Variants in ZNF185 observed in about 807,000 individuals in gnomAD.
ZNF185 encodes the protein zinc finger protein 185 with LIM domain.
In ZNF185, 56 loss-of-function variants were observed where a neutral mutation model predicts 58.6. The ratio of observed to expected loss-of-function variants is 0.95; its 90% confidence interval spans 0.77 to 1.19. The LOEUF (loss-of-function observed/expected upper bound fraction) is 1.19, where lower values mean the gene tolerates loss of function less well. Among genes scored for constraint, ZNF185 ranks in the 50% most tolerant of loss-of-function variants. The pLI is 0.00. For synonymous variants in ZNF185, 230 were observed against 215.9 expected, an observed-to-expected ratio of 1.07 and a Z score of -0.57; for missense variants, 627 against 573.5, an observed-to-expected ratio of 1.09 and a Z score of -0.95.
chrX:152,915,403 A>T (rs3761504), intron 3 of ZNF185, among the ~76,000 whole-genome samples, 200 bp downstream of exon 4: 2 of 111,712 alleles, frequency 1.8e-5, no homozygotes, highest in African/African-American at 6.5e-5. Flanking sequence ...AGGGGAGTGT[A>T]GGAGTCACTT....
chrX:152,924,368 G>A (rs1556871323), intron 11 of ZNF185, among the ~76,000 whole-genome samples: 1 of 110,780 alleles, frequency 9.0e-6, no homozygotes, highest in African/African-American at 3.3e-5. Context: ...TGATCCTCCT[G>A]CCTTAGCCTC....
chrX:152,920,748 G>T lies in ZNF185; in HGVS notation c.656G>T (p.Arg219Met), dbSNP rs1939542909. 5.0e-6 allele frequency: 6 copies of T among 1,211,994 alleles called. No homozygotes were observed. In the African/African-American group the frequency reaches 1.0e-4, roughly 21 times the overall value. ...ACACAGGCACCGTTTATCGCGAAGA[G>T]GTAAGTGTCATCAAGGGACACCTTG... Residue 219 changes from arginine (R) to methionine (M), a missense_variant and splice_region_variant, in exon 9 of 23, where the codon AGG (arginine) becomes ATG (methionine). Arg to Met is a moderately conservative substitution (Grantham distance 91). Transcript: ENST00000449285.
At chrX:152,912,978 C>G (rs1342859584), upstream of ZNF185, among the ~76,000 whole-genome samples, 1 of 113,010 alleles carries the variant, frequency 8.8e-6, no homozygotes, top group African/African-American at 3.2e-5. Flanking sequence ...ATTCCTGGCA[C>G]ACAGCAGGCT....
At chrX:152,939,501 G>C (rs143105873) in intron 15 of ZNF185, among the ~76,000 whole-genome samples, 91 of 112,241 alleles carry the variant, frequency 8.1e-4, no homozygotes, top group African/African-American at 2.7e-3. Flanking sequence ...CGAAAAACTA[G>C]TTTATGAAAT....
chrX:152,931,926 G>A lies in ZNF185; in HGVS notation c.1022+150G>A, dbSNP rs151258669. On this transcript the variant is annotated intron_variant, in intron 13 of 22. Transcript: ENST00000449285. The stretch of plus-strand genomic sequence containing the variant: ...TTCCCACTGTTCCCCCAGTACCTGG[G>A]GTACTGCAGGTCTTTAATGAACATC... 3.2e-3 allele frequency: 1,282 copies of A among 400,454 alleles called. 11 individuals are homozygous for A. The highest frequency in any genetic ancestry group is 0.03 in the African/African-American group (1,173 of 38,877). The allele number at this position is 400,454 out of a possible 1,213,427, so 33.0% of individuals were successfully genotyped here. A position where few individuals can be genotyped will look rare whatever the true frequency, so the allele number is the denominator to read the frequency against.
At chrX:152,900,055 A>G in the ZNF185 span, among the ~76,000 whole-genome samples, 2 of 111,959 alleles carry the variant, frequency 1.8e-5, no homozygotes, top group African/African-American at 3.3e-5. Context: ...TCCAGACTCC[A>G]GAAAAAGCCT....
intron 16 of ZNF185, among the ~76,000 whole-genome samples, chrX:152,955,806 G>A (rs1159613585): frequency 9.0e-6 from 1 of 110,727 alleles, no homozygotes; most frequent in Non-Finnish European, 1.9e-5. Context: ...GGAGGCTGAG[G>A]CAAGAGAATC....
chrX:152,966,450 A>G (rs1319729555), intron 19 of ZNF185, among the ~76,000 whole-genome samples: 1 of 111,043 alleles, frequency 9.0e-6, no homozygotes, highest in Non-Finnish European at 1.9e-5. Context: ...TTATTTCAGG[A>G]TTGGGCCTCT....
intron 21 of ZNF185, among the ~76,000 whole-genome samples, 185 bp from the exon 24 acceptor site, chrX:152,970,258 T>C (rs1288595237): frequency 2.7e-5 from 3 of 110,399 alleles, no homozygotes; most frequent in African/African-American, 9.9e-5. Flanking sequence ...AAAAAAAGGC[T>C]TTTTTTTGTA....
At chrX:152,920,454 C>G in intron 8 of ZNF185, 43 bp downstream of exon 9, 1 of 1,160,163 alleles carries the variant, frequency 8.6e-7, no homozygotes, top group Admixed American at 2.2e-5. Context: ...GACAGCTCTC[C>G]TCTCCTCAGA....
At chrX:152,942,958 C>T (rs1418824137) in intron 15 of ZNF185, among the ~76,000 whole-genome samples, 2 of 111,356 alleles carry the variant, frequency 1.8e-5, no homozygotes, top group East Asian at 5.6e-4. Context: ...TTATCTATAT[C>T]TATATATGTA....
At chrX:152,933,714 G>T (rs1556879467) in intron 14 of ZNF185, among the ~76,000 whole-genome samples, 1 of 112,485 alleles carries the variant, frequency 8.9e-6, no homozygotes, top group Non-Finnish European at 1.9e-5. Context: ...AGGGAGGAGT[G>T]GCAAAGCCAG....
chrX:152,920,846 T>C, intron 9 of ZNF185, 98 bp downstream of exon 10: 2 of 1,012,189 alleles, frequency 2.0e-6, no homozygotes, highest in Non-Finnish European at 2.8e-6. Context: ...AGAGGGGATG[T>C]GGATGTGGGG....
intron 16 of ZNF185, among the ~76,000 whole-genome samples, chrX:152,952,804 G>A (rs2048415961): frequency 9.2e-6 from 1 of 108,695 alleles, no homozygotes; most frequent in Non-Finnish European, 1.9e-5. Context: ...TAAGGTCACT[G>A]AAGTTCCAAA....
the ZNF185 span, among the ~76,000 whole-genome samples, chrX:152,907,347 G>A: frequency 8.9e-6 from 1 of 112,964 alleles, no homozygotes; most frequent in South Asian, 3.6e-4. Flanking sequence ...CACCTCATTG[G>A]CTCCTCGCTC....
At chrX:152,920,177 A>T (rs1939408958) in intron 7 of ZNF185, 151 bp from the exon 9 acceptor site, 1 of 451,209 alleles carries the variant, frequency 2.2e-6, no homozygotes, top group African/African-American at 2.5e-5. Context: ...TTTCCTTTGA[A>T]TAGTCCTTGG....
chrX:152,946,000 G>A (rs191062321), intron 16 of ZNF185, among the ~76,000 whole-genome samples: 2 of 112,517 alleles, frequency 1.8e-5, no homozygotes, highest in African/African-American at 6.5e-5. Context: ...GTGCCACTGT[G>A]CATGAGCAAG....
chrX:152,941,067 T>C (rs1213656253), intron 15 of ZNF185, among the ~76,000 whole-genome samples: 6 of 112,524 alleles, frequency 5.3e-5, no homozygotes, highest in Non-Finnish European at 9.4e-5. Context: ...TAGAATTTTA[T>C]TTTTGGTTTA....
rs782468603 is a variant in ZNF185 at position 152,941,845 on chromosome X, C to T, written c.1212-3422C>T. The T allele has an allele frequency of 4.2e-3, 4,795 of 1,140,657 alleles. 14 individuals are homozygous for T. Among genetic ancestry groups the T allele is most frequent in the Non-Finnish European group, 5.2e-3 (4,500 of 858,609 alleles). 94.0% of individuals were successfully genotyped at this position (1,140,657 alleles called of 1,213,427 possible). ...CCTTCCCCCGCGTAAGGTCTGAAGC[C>T]GCGGCCAGAGTGGCTTTGGGGTGAC... On this transcript the variant is annotated intron_variant, in intron 15 of 22. Coordinates refer to ENST00000449285, the Ensembl canonical transcript of ZNF185.
Sources: allele counts gnomAD v4.1 joint callset (sites outside exome capture counted in the v4.1 genomes callset), GRCh38; gene constraint gnomAD v4.1.1; transcripts MANE v1.5; gene names NCBI Gene and HGNC (gene_info 2026-07-23, HGNC 2026-07-21).